The following BNC2 variants were observed in gnomAD, a reference collection of about 807,000 sequenced individuals.
BNC2 encodes the protein basonuclin zinc finger protein 2.
Under a neutral mutation model 76.3 loss-of-function variants are expected in BNC2, and 20 were observed. The ratio of observed to expected loss-of-function variants is 0.26; its 90% CI spans 0.18 to 0.38. BNC2 has a LOEUF of 0.38. BNC2 is among the 10% of genes least tolerant of loss of function. BNC2 has a pLI of 1.00. For synonymous variants in BNC2, 582 were observed against 514.8 expected (o/e 1.13, Z -1.77); for missense variants, 1,382 against 1,399.8 (o/e 0.99, Z 0.20).
intron 1 of BNC2, among the ~76,000 whole-genome samples, chr9:16,824,908 G>A (rs1446400642): frequency 6.6e-6 from 1 of 152,040 alleles, no homozygotes; most frequent in African/African-American, 2.4e-5. Context: ...GGGGGAAAAG[G>A]ACATACGAAG....
chr9:16,805,420 C>T (rs750042985), intron 1 of BNC2, among the ~76,000 whole-genome samples: 1 of 151,958 alleles, frequency 6.6e-6, no homozygotes, highest in Non-Finnish European at 1.5e-5. Context: ...TCCGCCTCCT[C>T]GGTTCAAGTG....
chr9:16,607,393 C>A (rs1056405227), intron 3 of BNC2, among the ~76,000 whole-genome samples: 13 of 152,148 alleles, frequency 8.5e-5, no homozygotes, highest in Non-Finnish European at 1.6e-4. Flanking sequence ...AAAAGAAACA[C>A]AGGACCAAGT....
chr9:16,627,487 C>A (rs953772439), intron 3 of BNC2, among the ~76,000 whole-genome samples: 4 of 152,112 alleles, frequency 2.6e-5, no homozygotes, highest in South Asian at 2.1e-4. Flanking sequence ...ATATTCAATG[C>A]GGCTCACACC....
intron 5 of BNC2, among the ~76,000 whole-genome samples, chr9:16,462,153 G>C (rs565453915): frequency 6.6e-6 from 1 of 152,202 alleles, no homozygotes; most frequent in South Asian, 2.1e-4. Flanking sequence ...TGCTGTCTCT[G>C]AGCTAACCCA....
chr9:16,498,979 C>T (rs905860519), intron 5 of BNC2, among the ~76,000 whole-genome samples: 26 of 152,166 alleles, frequency 1.7e-4, no homozygotes, highest in Admixed American at 4.6e-4. Context: ...ACAGATTGAA[C>T]ATATTTAATA....
At chr9:16,689,777 T>C (rs983011966) in intron 3 of BNC2, among the ~76,000 whole-genome samples, 2 of 152,098 alleles carry the variant, frequency 1.3e-5, no homozygotes, top group African/African-American at 4.8e-5. Context: ...CCAGCCTAAT[T>C]TCAGTGGTTA....
At chr9:16,658,636 C>G (rs28401675) in intron 3 of BNC2, among the ~76,000 whole-genome samples, 1,526 of 152,264 alleles carry the variant, frequency 0.01, 23 homozygotes, top group African/African-American at 0.033. Context: ...TGGGAAAGAT[C>G]ATAGGTCTTA....
At chr9:16,439,949 C>G (rs1407144599) in intron 5 of BNC2, among the ~76,000 whole-genome samples, 1 of 152,216 alleles carries the variant, frequency 6.6e-6, no homozygotes, top group Non-Finnish European at 1.5e-5. Flanking sequence ...GGTGCAGGCA[C>G]ATGGCAACCC....
chr9:16,486,127 A>G (rs558920264), intron 5 of BNC2, among the ~76,000 whole-genome samples: 2 of 152,246 alleles, frequency 1.3e-5, no homozygotes, highest in East Asian at 3.9e-4. Flanking sequence ...CTGGGAGGCT[A>G]ATGTGTTTGA....
rs1452354532 is a variant in BNC2 at position 16,421,289 on chromosome 9, T to A, written c.2640-1640A>T. The A allele has an allele frequency of 2.3e-6, 3 of 1,299,232 alleles. No homozygotes were observed. The African/African-American group carries it at 4.6e-5, about 20-fold the overall frequency. 80.5% of individuals were successfully genotyped at this position (1,299,232 alleles called of 1,614,324 possible). A position where few individuals can be genotyped will look rare whatever the true frequency, so the allele number is the denominator to read the frequency against. On this transcript the variant is annotated intron_variant, in intron 6 of 6. Coordinates refer to ENST00000380672, the MANE Select transcript of BNC2 (RefSeq NM_017637.6). ...TGTGACAATAAGATCAGCTTTCTAA[T>A]CTTTTGCTAAATCGATCACAAAAGA...
intron 3 of BNC2, among the ~76,000 whole-genome samples, chr9:16,699,769 G>A (rs899943282): frequency 1.3e-5 from 2 of 152,148 alleles, no homozygotes; most frequent in African/African-American, 4.8e-5. Context: ...AAGTCACATA[G>A]GAAAGAGATC....
chr9:16,602,941 A>T (rs1043907961), intron 3 of BNC2, among the ~76,000 whole-genome samples: 5 of 152,232 alleles, frequency 3.3e-5, no homozygotes, highest in African/African-American at 1.2e-4. Context: ...ATACTTTAGA[A>T]ATAGAAGATG....
chr9:16,561,234 G>A (rs758568579), intron 4 of BNC2, among the ~76,000 whole-genome samples: 8 of 144,518 alleles, frequency 5.5e-5, no homozygotes, highest in Non-Finnish European at 7.5e-5. Flanking sequence ...GTGAAACTCC[G>A]CCTCAAAAAA....
At chr9:16,529,680 TAA>T (rs910767312) in intron 5 of BNC2, among the ~76,000 whole-genome samples, 3 of 152,116 alleles carry the variant, frequency 2.0e-5, no homozygotes, top group Non-Finnish European at 4.4e-5. Context: ...ATAAAAATAT[TAA>T]GTCATAATTT....
rs181194500 is a variant in BNC2 at position 16,411,570 on chromosome 9, T to C, written c.*7419A>G. The C allele has an allele frequency of 2.0e-5, 3 of 152,750 alleles. No homozygotes were observed. Among genetic ancestry groups the C allele is most frequent in the East Asian group, 3.9e-4 (2 of 5,176 alleles). 9.5% of individuals were successfully genotyped at this position (152,750 alleles called of 1,614,324 possible). On this transcript the variant is annotated 3_prime_UTR_variant, in exon 7 of 7. Coordinates refer to ENST00000380672, the MANE Select transcript of BNC2 (RefSeq NM_017637.6). The stretch of plus-strand genomic sequence containing the variant: ...TTCTATTAAGATGTCTGATAAACGA[T>C]TGTAACATATACATACTGAGGAACT...
intron 3 of BNC2, among the ~76,000 whole-genome samples, chr9:16,589,987 G>T (rs1322259702): frequency 2.6e-5 from 4 of 152,074 alleles, no homozygotes; most frequent in Admixed American, 2.0e-4. Flanking sequence ...ACTCAGGTGT[G>T]GTGGCTTAAA....
Position 16,595,757 on chromosome 9 carries a change from A to C in BNC2, c.331-12672T>G, listed in dbSNP as rs578254414. The stretch of plus-strand genomic sequence containing the variant: ...GTTTTTAAAAACAGACATAAAGAGA[A>C]AGACAGGAAAAAACAGACTGACTAG... On this transcript the variant is annotated intron_variant, in intron 3 of 6. Coordinates refer to ENST00000380672, the MANE Select transcript of BNC2 (RefSeq NM_017637.6). Among the ~76,000 whole-genome samples the C allele has an allele frequency of 2.6e-5, 4 of 152,248 alleles. No individual in the cohort carries two copies. In the South Asian group the frequency reaches 8.3e-4, roughly 32 times the overall value.
intron 5 of BNC2, among the ~76,000 whole-genome samples, chr9:16,502,858 G>A (rs1247461667): frequency 2.0e-5 from 3 of 152,156 alleles, no homozygotes; most frequent in Non-Finnish European, 2.9e-5. Flanking sequence ...ATCCCACAGA[G>A]GGCAAAACAA....
At chr9:16,697,672 G>A (rs953711105) in intron 3 of BNC2, among the ~76,000 whole-genome samples, 10 of 150,966 alleles carry the variant, frequency 6.6e-5, no homozygotes, top group African/African-American at 1.7e-4. Context: ...GCAGTGAGCC[G>A]AGATTGCCAC....
Sources: allele counts gnomAD v4.1 joint callset (sites outside exome capture counted in the v4.1 genomes callset), GRCh38; gene constraint gnomAD v4.1.1; transcripts MANE v1.5; gene names NCBI Gene and HGNC (gene_info 2026-07-23, HGNC 2026-07-21).